Variants in SGCZ observed in about 807,000 individuals in gnomAD.
SGCZ encodes the protein sarcoglycan zeta, also known as zeta-sarcoglycan.
Under a neutral mutation model 41.3 loss-of-function variants are expected in SGCZ, and 40 were observed. The ratio of observed to expected loss-of-function variants is 0.97; its 90% CI spans 0.75 to 1.26. The LOEUF is 1.26. SGCZ is among the 50% of genes most tolerant of loss of function. The pLI, the probability that SGCZ is intolerant of heterozygous loss-of-function variation, is 0.00. For missense variants in SGCZ, 552 were observed against 369.8 expected, an observed-to-expected ratio of 1.49 and a Z score of -4.04; for synonymous variants, 206 against 137.5, an observed-to-expected ratio of 1.50 and a Z score of -3.49.
At chr8:15,100,400 T>C (rs192453423) in intron 1 of SGCZ, among the ~76,000 whole-genome samples, 2 of 152,256 alleles carry the variant, frequency 1.3e-5, no homozygotes, top group East Asian at 1.9e-4. Context: ...TAATGCAATA[T>C]GTATGAAACA....
At chr8:14,786,285 A>C (rs1800764945) in intron 1 of SGCZ, among the ~76,000 whole-genome samples, 1 of 152,142 alleles carries the variant, frequency 6.6e-6, no homozygotes. Flanking sequence ...GAGCATTTAC[A>C]AACCATCAAT....
chr8:15,084,171 T>C (rs1486100377), intron 1 of SGCZ, among the ~76,000 whole-genome samples: 5 of 152,214 alleles, frequency 3.3e-5, no homozygotes, highest in Non-Finnish European at 1.5e-5. Context: ...CTGGCATATG[T>C]CTGTTAATGT....
At chr8:14,147,907 C>T (rs769980985) in intron 5 of SGCZ, among the ~76,000 whole-genome samples, 11 of 151,978 alleles carry the variant, frequency 7.2e-5, no homozygotes, top group Non-Finnish European at 1.2e-4. Flanking sequence ...AGGAATTTTG[C>T]GAACTATACA....
At chr8:14,517,164 A>T (rs1470125289) in intron 2 of SGCZ, among the ~76,000 whole-genome samples, 1 of 152,074 alleles carries the variant, frequency 6.6e-6, no homozygotes, top group Non-Finnish European at 1.5e-5. Flanking sequence ...TCACAGAAAT[A>T]AATGTGACAT....
intron 1 of SGCZ, among the ~76,000 whole-genome samples, chr8:14,561,304 T>C (rs1049346301): frequency 6.6e-6 from 1 of 152,200 alleles, no homozygotes; most frequent in Non-Finnish European, 1.5e-5. Flanking sequence ...ACTAACTGCC[T>C]ATTGTCATTC....
chr8:14,374,319 TGGGTGACAG>T (rs1804025849), intron 2 of SGCZ, among the ~76,000 whole-genome samples: 1 of 152,142 alleles, frequency 6.6e-6, no homozygotes. Flanking sequence ...GTCACCAGTA[TGGGTGACAG>T]AGAGACCCTG....
At chr8:14,808,918 A>C (rs1045412369) in intron 1 of SGCZ, among the ~76,000 whole-genome samples, 20 of 151,708 alleles carry the variant, frequency 1.3e-4, no homozygotes, top group Non-Finnish European at 2.5e-4. Flanking sequence ...TGATGAGTTC[A>C]TGTCCTTTGT....
At chr8:14,670,972 T>A (rs912099833) in intron 1 of SGCZ, among the ~76,000 whole-genome samples, 1 of 152,176 alleles carries the variant, frequency 6.6e-6, no homozygotes, top group Admixed American at 6.5e-5. Flanking sequence ...AAAGAATAGG[T>A]CAGCCTGGAT....
At chr8:14,450,632 G>A (rs1442051066) in intron 2 of SGCZ, among the ~76,000 whole-genome samples, 1 of 152,130 alleles carries the variant, frequency 6.6e-6, no homozygotes, top group Non-Finnish European at 1.5e-5. Flanking sequence ...TTTAAAAAAA[G>A]TATGAGGATG....
chr8:14,493,368 T>C lies in SGCZ; in HGVS notation c.234+61364A>G, dbSNP rs1255328795. Reference sequence around the variant, plus strand: ...CCCACTATCATCCTTTCTTTTTTTTTTTTTTTTTTTTTTTTTTTTGATGGA... The same window carrying C: ...CCCACTATCATCCTTTCTTTTTTTTCTTTTTTTTTTTTTTTTTTTGATGGA... On this transcript the variant is annotated intron_variant, in intron 2 of 7. Transcript: ENST00000382080. Among the ~76,000 whole-genome samples, 44 of 110,872 alleles carry C rather than the reference T, an allele frequency of 4.0e-4. 1 individual carries two copies. The highest frequency in any genetic ancestry group is 1.6e-3 in the African/African-American group (42 of 26,526). 72.7% of individuals were successfully genotyped at this position (110,872 alleles called of 152,430 possible).
chr8:15,201,707 G>C (rs1249469875), intron 1 of SGCZ, among the ~76,000 whole-genome samples: 1 of 152,082 alleles, frequency 6.6e-6, no homozygotes, highest in Non-Finnish European at 1.5e-5. Context: ...TACACAACTG[G>C]AAAGAAGCAC....
intron 1 of SGCZ, among the ~76,000 whole-genome samples, chr8:14,695,081 T>G (rs1377944279): frequency 6.6e-6 from 1 of 152,118 alleles, no homozygotes; most frequent in African/African-American, 2.4e-5. Context: ...GCAAAGTGAC[T>G]AATGTCCAAA....
At chr8:15,131,381 C>G (rs548382273) in intron 1 of SGCZ, among the ~76,000 whole-genome samples, 37 of 152,296 alleles carry the variant, frequency 2.4e-4, no homozygotes, top group African/African-American at 8.2e-4. Flanking sequence ...ATGCCTTTCA[C>G]TTTCTACGAT....
At chr8:14,349,252 G>A (rs1803003685) in intron 2 of SGCZ, among the ~76,000 whole-genome samples, 1 of 152,086 alleles carries the variant, frequency 6.6e-6, no homozygotes, top group African/African-American at 2.4e-5. Flanking sequence ...CAGGGAGAAG[G>A]TACTCCTTCA....
chr8:14,890,333 A>C (rs1366923616), intron 1 of SGCZ, among the ~76,000 whole-genome samples: 1 of 152,214 alleles, frequency 6.6e-6, no homozygotes, highest in Non-Finnish European at 1.5e-5. Flanking sequence ...AAGGAAATTA[A>C]AAGTGTTACT....
chr8:15,142,115 C>T (rs1798903908), intron 1 of SGCZ, among the ~76,000 whole-genome samples: 1 of 152,036 alleles, frequency 6.6e-6, no homozygotes, highest in Non-Finnish European at 1.5e-5. Context: ...TTGAGCATCC[C>T]ACTGAAATGG....
intron 2 of SGCZ, among the ~76,000 whole-genome samples, chr8:14,500,950 C>T (rs1376766609): frequency 6.6e-6 from 1 of 151,244 alleles, no homozygotes; most frequent in African/African-American, 2.4e-5. Flanking sequence ...TTTATCATTG[C>T]TGGTGTAAAA....
chr8:14,157,365 A>AGTGTGT (rs1276673001), intron 5 of SGCZ, among the ~76,000 whole-genome samples: 38 of 89,440 alleles, frequency 4.2e-4, no homozygotes, highest in African/African-American at 1.3e-3. Flanking sequence ...TGTGTGTGTG[A>AGTGTGT]GTGTGTGTGT....
At chr8:14,842,211 G>A (rs1055628866) in intron 1 of SGCZ, among the ~76,000 whole-genome samples, 1 of 152,164 alleles carries the variant, frequency 6.6e-6, no homozygotes, top group African/African-American at 2.4e-5. Context: ...CAAGAGAGCA[G>A]TGATTAGCAA....
Sources: allele counts gnomAD v4.1 joint callset (sites outside exome capture counted in the v4.1 genomes callset), GRCh38; gene constraint gnomAD v4.1.1; transcripts MANE v1.5; gene names NCBI Gene and HGNC (gene_info 2026-07-23, HGNC 2026-07-21).